Variants in ITSN2 observed in about 807,000 individuals in gnomAD.
The protein encoded by ITSN2 is intersectin 2.
A neutral mutation model predicts 243.7 loss-of-function variants in ITSN2; 156 were observed. That is an observed-to-expected ratio of 0.64 (90% CI 0.56 to 0.73). The LOEUF (loss-of-function observed/expected upper bound fraction) is 0.73. ITSN2 is among the 30% of genes least tolerant of loss of function. The pLI is 0.00. For missense variants in ITSN2, 1,801 were observed against 1,996.1 expected, an observed-to-expected ratio of 0.90 and a Z score of 1.86; for synonymous variants, 703 against 699.9, an observed-to-expected ratio of 1.00 and a Z score of -0.07.
chr2:24,246,344 C>T (rs745826239), intron 28 of ITSN2, 24 bp from the exon 29 acceptor site: 1 of 1,426,174 alleles, frequency 7.0e-7, no homozygotes, highest in Non-Finnish European at 9.7e-7. Context: ...AACAAAATAA[C>T]ACATTAAACA....
rs536432357 is a variant in ITSN2, at chr2:24,347,322, C to CTAT, written c.-34+12979_-34+12981dup. 5.9e-5 allele frequency among the ~76,000 whole-genome samples: 9 copies of CTAT among 152,128 alleles called. No homozygotes were observed. In the South Asian group the frequency reaches 1.9e-3, roughly 32 times the overall value. ...TACATTCACTCAGAATATTATTTAC[C>CTAT]TATTACAAATGACAATTTCAAGGCT... On this transcript the variant is annotated intron_variant, in intron 1 of 39. Coordinates refer to ENST00000355123, the MANE Select transcript of ITSN2 (RefSeq NM_006277.3).
intron 2 of ITSN2, among the ~76,000 whole-genome samples, chr2:24,323,860 G>A (rs1684857824): frequency 6.6e-6 from 1 of 152,158 alleles, no homozygotes; most frequent in Non-Finnish European, 1.5e-5. Context: ...ATCTTTCTCA[G>A]GGAATAGCCT....
At chr2:24,217,594 C>A (rs1161124159) in intron 31 of ITSN2, among the ~76,000 whole-genome samples, 2 of 152,224 alleles carry the variant, frequency 1.3e-5, no homozygotes. Flanking sequence ...CCGTGAGCTG[C>A]AGCTCTCCTC....
At chr2:24,335,036 C>G (rs551028797) in intron 1 of ITSN2, 2 of 167,310 alleles carry the variant, frequency 1.2e-5, no homozygotes, top group South Asian at 2.4e-4. Flanking sequence ...GCACTCCAGC[C>G]TGGGCGACAG....
intron 1 of ITSN2, among the ~76,000 whole-genome samples, chr2:24,354,889 T>G (rs111965818): frequency 1.2e-3 from 183 of 152,368 alleles, no homozygotes; most frequent in African/African-American, 4.1e-3. Flanking sequence ...CACTGCTGAA[T>G]AGCTCCACAA....
intron 10 of ITSN2, among the ~76,000 whole-genome samples, chr2:24,301,577 G>A (rs1334085181): frequency 1.3e-5 from 2 of 149,420 alleles, no homozygotes. Context: ...CCAGGCTAGA[G>A]TGCTGTGGCA....
chr2:24,257,927 T>C lies in ITSN2; in HGVS notation c.2849A>G (p.Tyr950Cys). The change falls in exon 23 of 40, where the codon TAT (tyrosine) becomes TGT (cysteine). Residue 950 changes from tyrosine to cysteine, a missense_variant. Around this residue, in one of 5 missense-constraint regions of ITSN2, gnomAD observed 928 missense variants for 1,065.4 expected, o/e 0.87. Transcript: ENST00000355123. ...HGGRGWFPKSYVKIIPGSEVK... is the reference protein window; with the variant it reads ...HGGRGWFPKSCVKIIPGSEVK... ...TTCACTCCCAGGAATGATCTTGACA[T>C]AAGATTTGGGAAACCATCCTCTTCC... 6.2e-7 allele frequency: 1 copy of C among 1,614,082 alleles called. No homozygotes were observed. Among genetic ancestry groups the C allele is most frequent in the South Asian group, 1.1e-5 (1 of 91,076 alleles).
At chr2:24,283,158 A>G (rs1679034765) in intron 17 of ITSN2, among the ~76,000 whole-genome samples, 1 of 152,030 alleles carries the variant, frequency 6.6e-6, no homozygotes. Flanking sequence ...TTATCACTCA[A>G]GTGAAATGGC....
chr2:24,292,381 A>G (rs1680370045), intron 15 of ITSN2, among the ~76,000 whole-genome samples: 1 of 150,348 alleles, frequency 6.7e-6, no homozygotes, highest in African/African-American at 2.5e-5. Context: ...CAGGTGGGTT[A>G]GCTCACCCTG....
chr2:24,291,628 T>C (rs1308382825), intron 15 of ITSN2, among the ~76,000 whole-genome samples: 1 of 152,002 alleles, frequency 6.6e-6, no homozygotes, highest in Non-Finnish European at 1.5e-5. Context: ...TAGCTGGGAC[T>C]ACAGGCGTGC....
In ITSN2 at chr2:24,252,449, C is replaced by T; in HGVS notation, c.3016G>A (p.Glu1006Lys). 1 of 1,612,782 alleles carries T rather than the reference C, an allele frequency of 6.2e-7. No individual in the cohort carries two copies. Among genetic ancestry groups the T allele is most frequent in the Non-Finnish European group, 8.5e-7 (1 of 1,178,936 alleles). ...TCTTTCTGGGTCACCAATATTTCTT[C>T]ACCTTCTGTGAAAGTCAAATCTCCA... Reference protein sequence around the residue: ...EPGDLTFTEGEEILVTQKDGE... With the variant: ...EPGDLTFTEGKEILVTQKDGE... Residue 1006 changes from glutamate to lysine, a missense_variant, in exon 25 of 40, where the codon GAA (glutamate) becomes AAA (lysine). Glu to Lys is a moderately conservative substitution (Grantham distance 56). Around this residue, in one of 5 missense-constraint regions of ITSN2, gnomAD observed 928 missense variants for 1,065.4 expected, o/e 0.87. Transcript: ENST00000355123.
chr2:24,310,910 G>A (rs2151738704), intron 5 of ITSN2, among the ~76,000 whole-genome samples: 2 of 152,194 alleles, frequency 1.3e-5, no homozygotes, highest in Middle Eastern at 3.4e-3. Flanking sequence ...AAAACACCTA[G>A]CAAAGAGTTA....
At chr2:24,256,512 A>G (rs1401524666) in intron 23 of ITSN2, among the ~76,000 whole-genome samples, 1 of 152,188 alleles carries the variant, frequency 6.6e-6, no homozygotes, top group Admixed American at 6.5e-5. Flanking sequence ...AAAACACAAG[A>G]GACAGTTACC....
In ITSN2 at chr2:24,225,432, G is replaced by A. The variant is rs987821181; in HGVS notation, c.3578-4366C>T. On this transcript the variant is annotated intron_variant, in intron 29 of 39. Coordinates refer to ENST00000355123, the MANE Select transcript of ITSN2 (RefSeq NM_006277.3). This position sits in a 1 kb window ranked among gnomAD's most constrained non-coding sequence, Gnocchi z 4.2. ...CCGACACTGCTCTCGGGAAGGTATCGATGACCTTGGCATTGCCAAGTTCAG... is the reference window on the plus strand; with the variant it reads ...CCGACACTGCTCTCGGGAAGGTATCAATGACCTTGGCATTGCCAAGTTCAG... Among the ~76,000 whole-genome samples, 5 of 152,182 alleles carry A rather than the reference G, an allele frequency of 3.3e-5. No individual in the cohort carries two copies. Among genetic ancestry groups the A allele is most frequent in the South Asian group, 2.1e-4 (1 of 4,830 alleles).
In ITSN2 at chr2:24,298,668, T is replaced by C. The variant is rs1224420055; in HGVS notation, c.1491A>G (p.Ala497=). Residue 497 remains alanine, a synonymous_variant, in exon 13 of 40, where the codon GCA becomes GCG. Transcript: ENST00000355123. ...KKKNLHLELE[A]LNGKHQQISG... Reference sequence around the variant, plus strand: ...TTCACTTAAACTTCAGCCATACCAGTGCTTCCAACTCAAGATGAAGATTCT... The same window carrying C: ...TTCACTTAAACTTCAGCCATACCAGCGCTTCCAACTCAAGATGAAGATTCT... 1.9e-6 allele frequency: 3 copies of C among 1,598,366 alleles called. No individual in the cohort carries two copies. The highest frequency in any genetic ancestry group is 1.4e-5 in the African/African-American group (1 of 73,540).
At position 24,203,891 on chromosome 2, in the gene ITSN2, A is replaced by T; in HGVS notation, c.4937-108T>A. 8 of 1,228,210 alleles carry T rather than the reference A, an allele frequency of 6.5e-6. No individual in the cohort carries two copies. In the South Asian group the frequency reaches 7.3e-5, roughly 11 times the overall value. 76.1% of individuals were successfully genotyped at this position (1,228,210 alleles called of 1,614,324 possible). On this transcript the variant is annotated intron_variant, in intron 39 of 39. Transcript: ENST00000355123. The stretch of plus-strand genomic sequence containing the variant: ...TAAAACCTTCAAATCTGAAACAAGG[A>T]ACTTCTTTTGGCTCATGGCTGTTGA...
chr2:24,335,872 A>G (rs1473788585), intron 1 of ITSN2, among the ~76,000 whole-genome samples: 2 of 151,810 alleles, frequency 1.3e-5, no homozygotes, highest in Non-Finnish European at 2.9e-5. Context: ...TCCTGACCTC[A>G]GGTGATCTGC....
In ITSN2 at chr2:24,295,778, G is replaced by A; in HGVS notation, c.1521C>T (p.Gly507=). 2.6e-6 allele frequency: 4 copies of A among 1,555,642 alleles called. No individual in the cohort carries two copies. The East Asian group carries it at 1.0e-4, about 39-fold the overall frequency. The part of the protein sequence containing the change: ...ALNGKHQQIS[G]RLQDVRLKKQ... ...TTTTGAGTCGGACATCCTGAAGTCT[G>A]CCTGAGATCTGCTGATGTTTGCCAT... Residue 507 remains glycine (G), a synonymous_variant, in exon 14 of 40, where the codon GGC becomes GGT. Transcript: ENST00000355123.
At chr2:24,205,758 G>A in intron 37 of ITSN2, 1 of 174,458 alleles carries the variant, frequency 5.7e-6, no homozygotes, top group East Asian at 1.4e-4. Flanking sequence ...AATAATACAT[G>A]GTATTTGTGC....
Sources: allele counts gnomAD v4.1 joint callset (sites outside exome capture counted in the v4.1 genomes callset), GRCh38; gene constraint gnomAD v4.1.1; regional missense constraint gnomAD v4.1.1; non-coding constraint Gnocchi (gnomAD v3.1); transcripts MANE v1.5; gene names NCBI Gene and HGNC (gene_info 2026-07-23, HGNC 2026-07-21).